The following REST variants were observed in gnomAD, a reference collection of about 807,000 sequenced individuals.
The protein encoded by REST is RE1 silencing transcription factor, also known as RE1-silencing transcription factor.
In REST, 1 loss-of-function variant was observed where a neutral mutation model predicts 30.4. That is an observed-to-expected ratio of 0.03 (90% CI 0.01 to 0.16). REST has a LOEUF of 0.16. Ranked by LOEUF, REST falls within the 10% of genes least tolerant of loss-of-function variation. The probability of loss-of-function intolerance (pLI) is 1.00; values close to 1 mark genes in which losing one functional copy is unlikely to be tolerated. For missense variants in REST, 1,259 were observed against 1,329.5 expected (o/e 0.95, Z 0.82); for synonymous variants, 504 against 451.1 (o/e 1.12, Z -1.49).
At position 56,932,584 on chromosome 4, in the gene REST, T is replaced by C. The variant is rs1202698501; in HGVS notation, c.*432T>C. ...CCTGCTTTATATAAAGTTAGCACTT[T>C]AAGATTTTTTTTTTTAGAGATGAGA... On this transcript the variant is annotated 3_prime_UTR_variant, in exon 4 of 4. Coordinates refer to ENST00000309042, the MANE Select transcript of REST (RefSeq NM_005612.5). 1 of 134,092 alleles carries C rather than the reference T, an allele frequency of 7.5e-6. No individual in the cohort carries two copies. The highest frequency in any genetic ancestry group is 1.7e-5 in the Non-Finnish European group (1 of 59,114). 8.3% of individuals were successfully genotyped at this position (134,092 alleles called of 1,614,324 possible). A position where few individuals can be genotyped will look rare whatever the true frequency, so the allele number is the denominator to read the frequency against.
At position 56,930,799 on chromosome 4, in the gene REST, T is replaced by C; in HGVS notation, c.1941T>C (p.Ala647=). 3 of 1,607,176 alleles carry C rather than the reference T, an allele frequency of 1.9e-6. No individual in the cohort carries two copies. Among genetic ancestry groups the C allele is most frequent in the Middle Eastern group, 1.7e-4 (1 of 5,984 alleles). The change falls in exon 4 of 4, where the codon GCT becomes GCC. Residue 647 remains alanine (A), a synonymous_variant. Transcript: ENST00000309042. ...AQMEGAQIRP[A]PDEPVQMEVV... The stretch of plus-strand genomic sequence containing the variant: ...TGGAGGGTGCCCAGATACGGCCTGC[T>C]CCTGACGAGCCTGTTCAGATGGAGG...
Position 56,930,975 on chromosome 4 carries a change from T to G in REST, c.2117T>G (p.Met706Arg). ...TEVAQMGPAP[M>R]EPAQMEVAQV... is the part of the protein sequence containing the mutation. Reference sequence around the variant, plus strand: ...GTTGCCCAAATGGGGCCTGCTCCCATGGAACCTGCTCAGATGGAGGTTGCC... The same window carrying G: ...GTTGCCCAAATGGGGCCTGCTCCCAGGGAACCTGCTCAGATGGAGGTTGCC... Residue 706 changes from methionine to arginine, a missense_variant, in exon 4 of 4, where the codon ATG becomes AGG. Met to Arg is a moderately conservative substitution (Grantham distance 91). Transcript: ENST00000309042. The G allele has an allele frequency of 6.2e-7, 1 of 1,614,108 alleles. No homozygotes were observed.
intron 3 of REST, among the ~76,000 whole-genome samples, chr4:56,927,199 A>T (rs1402436955): frequency 1.3e-5 from 2 of 152,114 alleles, no homozygotes; most frequent in Admixed American, 1.3e-4. Flanking sequence ...TATCTCCCAG[A>T]TGGTCTAGCT....
At chr4:56,926,660 T>A (rs1322646659) in intron 3 of REST, among the ~76,000 whole-genome samples, 4 of 152,036 alleles carry the variant, frequency 2.6e-5, no homozygotes, top group African/African-American at 9.7e-5. Context: ...TCCCTTTTAT[T>A]TATCCATACT....
Position 56,931,491 on chromosome 4 carries a change from G to T in REST, c.2633G>T (p.Gly878Val). 6.2e-7 allele frequency: 1 copy of T among 1,614,132 alleles called. No individual in the cohort carries two copies. The highest frequency in any genetic ancestry group is 1.1e-5 in the South Asian group (1 of 91,078). Residue 878 changes from glycine (G) to valine (V), a missense_variant, in exon 4 of 4, where the codon GGA becomes GTA. Coordinates refer to ENST00000309042, the MANE Select transcript of REST (RefSeq NM_005612.5). ...GAAAATTTAAGAGAAGAGGCATCAGGAGACCAAAAATTACTCAACACAGGT... is the reference window on the plus strand; with the variant it reads ...GAAAATTTAAGAGAAGAGGCATCAGTAGACCAAAAATTACTCAACACAGGT... ...PKENLREEAS[G>V]DQKLLNTGEG...
At chr4:56,924,455 AAAG>A (rs571576740) in intron 3 of REST, among the ~76,000 whole-genome samples, 180 of 152,136 alleles carry the variant, frequency 1.2e-3, no homozygotes, top group Non-Finnish European at 2.0e-3. Context: ...GTCTCCTACC[AAAG>A]AACATTATAG....
Position 56,925,789 on chromosome 4 carries a change from A to AGAAAATAAAACGGAAAAAAACG in REST, c.983-4047_983-4046insTAAAACGGAAAAAAACGGAAAA, listed in dbSNP as rs1308703117. On this transcript the variant is annotated intron_variant, in intron 3 of 3. Transcript: ENST00000309042. ...ATGGCAATAAAGTAAAAATTACGGG[A>AGAAAATAAAACGGAAAAAAACG]GAAAAAGAACGGAGCAAATAAATCA... Among the ~76,000 whole-genome samples, 3 of 152,244 alleles carry AGAAAATAAAACGGAAAAAAACG rather than the reference A, an allele frequency of 2.0e-5. No homozygotes were observed. The East Asian group carries it at 5.8e-4, about 29-fold the overall frequency.
chr4:56,911,335 G>C lies in REST; in HGVS notation c.697G>C (p.Ala233Pro). The C allele has an allele frequency of 6.2e-7, 1 of 1,614,114 alleles. No individual in the cohort carries two copies. The highest frequency in any genetic ancestry group is 8.5e-7 in the Non-Finnish European group (1 of 1,180,030). Residue 233 changes from alanine (A) to proline (P), a missense_variant, in exon 2 of 4, where the codon GCA becomes CCA. By Grantham distance (27) the Ala-to-Pro change is conservative. Coordinates refer to ENST00000309042, the MANE Select transcript of REST (RefSeq NM_005612.5). ...YNTNRYDHYT[A>P]HLKHHTRAGD... is the part of the protein sequence containing the mutation. ...TACTAATCGATATGATCACTATACA[G>C]CACACCTGAAACACCACACCAGAGC...
chr4:56,909,960 T>C (rs1480420792), intron 1 of REST, among the ~76,000 whole-genome samples: 1 of 152,260 alleles, frequency 6.6e-6, no homozygotes, highest in African/African-American at 2.4e-5. Flanking sequence ...TGTGAAGTTT[T>C]GAATAAATCA....
At chr4:56,920,076 A>G (rs917037281) in intron 3 of REST, 90 of 370,036 alleles carry the variant, frequency 2.4e-4, no homozygotes, top group African/African-American at 1.7e-3. Flanking sequence ...ATTTTTGTGT[A>G]CACTTTTTCT....
At chr4:56,913,926 G>A (rs1199376444) in intron 2 of REST, among the ~76,000 whole-genome samples, 1 of 151,984 alleles carries the variant, frequency 6.6e-6, no homozygotes, top group African/African-American at 2.4e-5. Context: ...TTACAGGCGT[G>A]AGCCACCGCG....
At chr4:56,909,937 A>G (rs940469599) in intron 1 of REST, among the ~76,000 whole-genome samples, 1 of 152,224 alleles carries the variant, frequency 6.6e-6, no homozygotes, top group Non-Finnish European at 1.5e-5. Context: ...AAATAAGCTT[A>G]TTAATTTTTA....
At chr4:56,909,131 C>T (rs1021687715) in intron 1 of REST, 2 of 152,414 alleles carry the variant, frequency 1.3e-5, no homozygotes, top group Non-Finnish European at 2.9e-5. Context: ...CAAACAGCGC[C>T]TCGAGCTTGA....
At chr4:56,916,743 T>C (rs867114755) in intron 2 of REST, among the ~76,000 whole-genome samples, 1 of 152,266 alleles carries the variant, frequency 6.6e-6, no homozygotes, top group Non-Finnish European at 1.5e-5. Context: ...AGTTTACATA[T>C]GCAGTTCACT....
intron 2 of REST, 63 bp from the exon 3 acceptor site, chr4:56,919,724 G>A (rs572522488): frequency 1.8e-4 from 182 of 1,008,608 alleles, no homozygotes; most frequent in Non-Finnish European, 1.5e-5. Context: ...TGCATTGTTA[G>A]TGAGAATTGT....
In REST at chr4:56,931,455, C is replaced by G; in HGVS notation, c.2597C>G (p.Pro866Arg). The change falls in exon 4 of 4, where the codon CCA becomes CGA. Residue 866 changes from proline (P) to arginine (R), a missense_variant. Physicochemically the swap from Pro to Arg is moderately radical, Grantham distance 103 (BLOSUM62 -2). Around this residue, in one of 5 missense-constraint regions of REST, gnomAD observed 856 missense variants for 772.8 expected, o/e 1.11. Transcript: ENST00000309042. ...GAGGATCTCTCACCACCATCACCAC[C>G]ACTGCCAAAGGAAAATTTAAGAGAA... ...STEDLSPPSPPLPKENLREEA... is the reference protein window; with the variant it reads ...STEDLSPPSPRLPKENLREEA... 2 of 1,614,196 alleles carry G rather than the reference C, an allele frequency of 1.2e-6. No homozygotes were observed. The highest frequency in any genetic ancestry group is 3.3e-4 in the Middle Eastern group (2 of 6,062).
chr4:56,927,044 C>T (rs985223921), intron 3 of REST, among the ~76,000 whole-genome samples: 1 of 151,344 alleles, frequency 6.6e-6, no homozygotes, highest in African/African-American at 2.4e-5. Context: ...TGCAGTGAGC[C>T]GAGATCGCGC....
In REST at chr4:56,910,810, G is replaced by A. The variant is rs370180021; in HGVS notation, c.172G>A (p.Val58Ile). The change falls in exon 2 of 4, where the codon GTA (valine) becomes ATA (isoleucine). Residue 58 changes from valine to isoleucine, a missense_variant. By Grantham distance (29) the Val-to-Ile change is conservative. Transcript: ENST00000309042. ...MLANVALTGE[V>I]NGSCCDYLVG... Reference sequence around the variant, plus strand: ...GGCAAATGTGGCCTTAACTGGGGAAGTAAATGGCAGCTGCTGTGATTACCT... The same window carrying A: ...GGCAAATGTGGCCTTAACTGGGGAAATAAATGGCAGCTGCTGTGATTACCT... 2.5e-6 allele frequency: 4 copies of A among 1,614,066 alleles called. No individual in the cohort carries two copies. In the African/African-American group the frequency reaches 5.3e-5, roughly 22 times the overall value.
In REST at chr4:56,931,876, T is replaced by C. The variant is rs774667520; in HGVS notation, c.3018T>C (p.Asp1006=). The change falls in exon 4 of 4, where the codon GAT becomes GAC. Residue 1006 remains aspartate (D), a synonymous_variant. Coordinates refer to ENST00000309042, the MANE Select transcript of REST (RefSeq NM_005612.5). ...CAGCAAATGAGTCTCAGGAAATTGA[T>C]GAAGATGAAGGCATCCACAGCCATG... is the stretch of plus-strand genomic sequence containing the variant. ...TMAANESQEI[D]EDEGIHSHEG... is the part of the protein sequence containing the mutation. 11 of 1,614,078 alleles carry C rather than the reference T, an allele frequency of 6.8e-6. No individual in the cohort carries two copies. In the African/African-American group the frequency reaches 1.5e-4, roughly 22 times the overall value.
Sources: allele counts gnomAD v4.1 joint callset (sites outside exome capture counted in the v4.1 genomes callset), GRCh38; gene constraint gnomAD v4.1.1; regional missense constraint gnomAD v4.1.1; transcripts MANE v1.5; gene names NCBI Gene and HGNC (gene_info 2026-07-23, HGNC 2026-07-21).